The following EXOC1 variants were observed in gnomAD, a reference collection of about 807,000 sequenced individuals.
EXOC1 encodes the protein exocyst complex component 1.
A neutral mutation model predicts 107.7 loss-of-function variants in EXOC1; 67 were observed. The ratio of observed to expected loss-of-function variants is 0.62; its 90% CI spans 0.51 to 0.76. The LOEUF (loss-of-function observed/expected upper bound fraction) is 0.76, where lower values mean the gene tolerates loss of function less well. EXOC1 is among the 30% of genes least tolerant of loss of function. The pLI is 0.00. For missense variants in EXOC1, 833 were observed against 1,055.7 expected, an observed-to-expected ratio of 0.79 and a Z score of 2.92; for synonymous variants, 348 against 353.5, an observed-to-expected ratio of 0.98 and a Z score of 0.17.
chr4:55,881,398 TTG>T (rs2109422123), intron 9 of EXOC1, among the ~76,000 whole-genome samples: 1 of 152,248 alleles, frequency 6.6e-6, no homozygotes, highest in South Asian at 2.1e-4. Flanking sequence ...TGTCTTATTG[TTG>T]TGAACCCCAA....
At chr4:55,893,436 T>C (rs555132468) in intron 14 of EXOC1, 116 bp from the exon 15 acceptor site, 2 of 946,016 alleles carry the variant, frequency 2.1e-6, no homozygotes, top group Admixed American at 2.7e-5. Flanking sequence ...ACATTTTTAA[T>C]TGAAATTTAA....
Position 55,870,899 on chromosome 4 carries a change from C to A in EXOC1, c.825C>A (p.Phe275Leu). 2 of 1,611,172 alleles carry A rather than the reference C, an allele frequency of 1.2e-6. No homozygotes were observed. The highest frequency in any genetic ancestry group is 1.7e-6 in the Non-Finnish European group (2 of 1,178,070). ...TAAAACTCCTATCTGAGATAGAGTT[C>A]CTTGTGGTAAGTATGATCATAAATT... Reference protein sequence around the residue: ...NNVKLLSEIEFLVNHMDLAKG... With the variant: ...NNVKLLSEIELLVNHMDLAKG... Residue 275 changes from phenylalanine to leucine, a missense_variant, in exon 6 of 19, where the codon TTC (phenylalanine) becomes TTA (leucine). Phe to Leu is a conservative substitution (Grantham distance 22, BLOSUM62 0). This residue lies in a region of EXOC1 where 617 missense variants were observed against 701.3 expected (regional missense o/e 0.88). Coordinates refer to ENST00000381295, the MANE Select transcript of EXOC1 (RefSeq NM_001024924.2).
chr4:55,883,029 G>T (rs189692321), intron 9 of EXOC1: 1 of 152,062 alleles, frequency 6.6e-6, no homozygotes. Flanking sequence ...AAGTAGAGAT[G>T]ATGAAGAAAT....
rs984181291 is a variant in EXOC1 at position 55,883,709 on chromosome 4, T to C, written c.1225-114T>C. The C allele has an allele frequency of 1.7e-5, 10 of 577,718 alleles. No individual in the cohort carries two copies. In the East Asian group the frequency reaches 2.0e-4, roughly 12 times the overall value. The allele number at this position is 577,718 out of a possible 1,614,324, so 35.8% of individuals were successfully genotyped here. On this transcript the variant is annotated intron_variant, in intron 9 of 18. Transcript: ENST00000381295. ...CTATTTTTATATCCTGTGAAATACA[T>C]CAAAGTTTTGGACTATGAAATTTAA...
chr4:55,896,914 A>G lies in EXOC1; in HGVS notation c.2137+14A>G, dbSNP rs769675724. The G allele has an allele frequency of 6.3e-7, 1 of 1,574,816 alleles. No individual in the cohort carries two copies. The highest frequency in any genetic ancestry group is 8.6e-7 in the Non-Finnish European group (1 of 1,167,360). On this transcript the variant is annotated intron_variant, in intron 16 of 18. Transcript: ENST00000381295. ...TATTTGTTAATGGTAAGCTTTTGTT[A>G]TGTTCTAAAGAATTGTTATAGCTAT...
At chr4:55,865,903 T>A (rs1721918968) in intron 4 of EXOC1, among the ~76,000 whole-genome samples, 1 of 152,172 alleles carries the variant, frequency 6.6e-6, no homozygotes, top group Non-Finnish European at 1.5e-5. Context: ...ACATTAACCC[T>A]AACTGAGATC....
At chr4:55,879,407 T>C (rs764233541) in intron 9 of EXOC1, among the ~76,000 whole-genome samples, 1 of 152,162 alleles carries the variant, frequency 6.6e-6, no homozygotes, top group African/African-American at 2.4e-5. Flanking sequence ...GCGTTCCTAT[T>C]GTGCTTGCAG....
chr4:55,871,061 A>G (rs1310623535), intron 6 of EXOC1, 40 bp from the exon 7 acceptor site: 2 of 1,600,862 alleles, frequency 1.2e-6, no homozygotes, highest in South Asian at 1.1e-5. Context: ...TAAATTTCCC[A>G]AAATTACACA....
intron 2 of EXOC1, 37 bp downstream of exon 2, chr4:55,858,484 C>T: frequency 6.6e-7 from 1 of 1,519,646 alleles, no homozygotes; most frequent in African/African-American, 1.4e-5. Context: ...TGTTTTGTAT[C>T]CTTTTATTAT....
chr4:55,864,244 T>C lies in EXOC1; in HGVS notation c.273T>C (p.Asp91=). ...KDAIKENPEF[D]LHFEKIYKWV... The stretch of plus-strand genomic sequence containing the variant: ...TATTTTAGGAAAATCCTGAATTTGA[T>C]TTACACTTTGAAAAAATATATAAAT... Residue 91 remains aspartate (D), a synonymous_variant, in exon 4 of 19, where the codon GAT becomes GAC. Transcript: ENST00000381295. 4 of 1,577,440 alleles carry C rather than the reference T, an allele frequency of 2.5e-6. No individual in the cohort carries two copies. The highest frequency in any genetic ancestry group is 3.4e-6 in the Non-Finnish European group (4 of 1,160,462).
intron 8 of EXOC1, among the ~76,000 whole-genome samples, chr4:55,874,776 A>G (rs776896881): frequency 9.2e-5 from 14 of 152,254 alleles, no homozygotes; most frequent in Admixed American, 3.9e-4. Flanking sequence ...TAATTTTTAC[A>G]TTTACTAGGG....
chr4:55,899,655 G>A, intron 16 of EXOC1, 30 bp from the exon 17 acceptor site: 1 of 1,582,408 alleles, frequency 6.3e-7, no homozygotes, highest in Non-Finnish European at 8.6e-7. Flanking sequence ...ACTCAGAGAT[G>A]TTATTTTATT....
At chr4:55,898,590 C>T (rs1725523086) in intron 16 of EXOC1, among the ~76,000 whole-genome samples, 1 of 152,140 alleles carries the variant, frequency 6.6e-6, no homozygotes, top group Non-Finnish European at 1.5e-5. Flanking sequence ...CATTTTTAAT[C>T]TTGTTGTACA....
rs777722988 is a variant in EXOC1, at chr4:55,864,331, G to A, written c.360G>A (p.Gln120=). Residue 120 remains glutamine (Q), a synonymous_variant, in exon 4 of 19, where the codon CAG becomes CAA. Coordinates refer to ENST00000381295, the MANE Select transcript of EXOC1 (RefSeq NM_001024924.2). ...TTTCATGCATTTGGAAATTGAATCA[G>A]CGATATCTCCGGAAGAAAATTGATT... is the stretch of plus-strand genomic sequence containing the variant. ...AFISCIWKLN[Q]RYLRKKIDFV... 1.9e-6 allele frequency: 3 copies of A among 1,610,994 alleles called. No homozygotes were observed.
chr4:55,894,606 A>C (rs1372867102), intron 15 of EXOC1, among the ~76,000 whole-genome samples: 6 of 135,924 alleles, frequency 4.4e-5, no homozygotes, highest in African/African-American at 1.6e-4. Context: ...CTTTCTTACT[A>C]TCTGTTACTT....
intron 3 of EXOC1, among the ~76,000 whole-genome samples, chr4:55,863,789 T>C (rs1347794895): frequency 6.6e-6 from 1 of 152,230 alleles, no homozygotes; most frequent in Non-Finnish European, 1.5e-5. Context: ...ACTTAGAAGA[T>C]ATAGTCCTTA....
chr4:55,900,120 A>C (rs1725729991), intron 17 of EXOC1, among the ~76,000 whole-genome samples: 2 of 152,148 alleles, frequency 1.3e-5, no homozygotes, highest in African/African-American at 2.4e-5. Context: ...TAATTGTACT[A>C]GTATTCTATT....
chr4:55,860,597 C>CA, intron 3 of EXOC1, 56 bp downstream of exon 3: 1 of 1,563,030 alleles, frequency 6.4e-7, no homozygotes. Flanking sequence ...CATTTTATAA[C>CA]ATGGTATTAC....
At chr4:55,886,350 C>T (rs1294515414) in intron 10 of EXOC1, among the ~76,000 whole-genome samples, 1 of 151,694 alleles carries the variant, frequency 6.6e-6, no homozygotes, top group Admixed American at 6.6e-5. Context: ...CCCTGGAGGT[C>T]GAGACAAGCC....
Sources: allele counts gnomAD v4.1 joint callset (sites outside exome capture counted in the v4.1 genomes callset), GRCh38; gene constraint gnomAD v4.1.1; regional missense constraint gnomAD v4.1.1; transcripts MANE v1.5; gene names NCBI Gene and HGNC (gene_info 2026-07-23, HGNC 2026-07-21).